TRPM3: variants seen among roughly 807,000 people sequenced by gnomAD.
The protein encoded by TRPM3 is transient receptor potential cation channel subfamily M member 3.
Under a neutral mutation model 181.2 loss-of-function variants are expected in TRPM3, and 77 were observed. The observed-to-expected ratio is 0.42, with a 90% confidence interval of 0.35 to 0.51. The LOEUF (loss-of-function observed/expected upper bound fraction) is 0.51. Among genes scored for constraint, TRPM3 ranks in the 20% least tolerant of loss-of-function variants. The probability of loss-of-function intolerance (pLI) is 0.01; values close to 1 mark genes in which losing one functional copy is unlikely to be tolerated. For missense variants in TRPM3, 1,759 were observed against 2,196.7 expected, an observed-to-expected ratio of 0.80 and a Z score of 3.98; for synonymous variants, 745 against 796.4, an observed-to-expected ratio of 0.94 and a Z score of 1.09.
At chr9:71,170,249 G>A (rs182901837) in intron 1 of TRPM3, among the ~76,000 whole-genome samples, 8 of 152,170 alleles carry the variant, frequency 5.3e-5, no homozygotes, top group Non-Finnish European at 7.4e-5. Flanking sequence ...TAGAGAACAC[G>A]AAGATGAAGG....
At chr9:70,811,378 T>C (rs947070039) in intron 6 of TRPM3, 1 of 705,172 alleles carries the variant, frequency 1.4e-6, no homozygotes, top group East Asian at 2.7e-5. Context: ...GAAACCTATG[T>C]AGAGCATCAT....
At chr9:70,630,508 A>G (rs1274097903) in intron 12 of TRPM3, among the ~76,000 whole-genome samples, 4 of 152,244 alleles carry the variant, frequency 2.6e-5, no homozygotes, top group Admixed American at 6.5e-5. Flanking sequence ...AAAAGCAGAG[A>G]AGGTGAGCAG....
rs184409022 is a variant in TRPM3 at position 70,964,159 on chromosome 9, T to C, written c.178-99648A>G. Among the ~76,000 whole-genome samples, 589 of 152,276 alleles carry C rather than the reference T, an allele frequency of 3.9e-3. 5 individuals are homozygous for C. In the South Asian group the frequency reaches 0.05, roughly 13 times the overall value. On this transcript the variant is annotated intron_variant, in intron 1 of 25. Coordinates refer to ENST00000677713, the MANE Select transcript of TRPM3 (RefSeq NM_001366145.2). ...TTTGTCAGCATTATTTTTATTCTTA[T>C]TATTTATCCCAATTATGATTAAGAT...
chr9:70,580,193 C>T (rs182676043), intron 22 of TRPM3, among the ~76,000 whole-genome samples: 108 of 152,228 alleles, frequency 7.1e-4, no homozygotes, highest in African/African-American at 2.6e-3. Flanking sequence ...ATTATGGTTG[C>T]ATATTTTCTA....
chr9:71,418,872 A>ATGTGTATATATATACACACATATATATG (rs1435707538), intron 1 of TRPM3, among the ~76,000 whole-genome samples: 20 of 141,990 alleles, frequency 1.4e-4, no homozygotes, highest in African/African-American at 4.8e-4. Context: ...ATATGTATAT[A>ATGTGTATATATATACACACATATATATG]TGTGTATATA....
intron 1 of TRPM3, among the ~76,000 whole-genome samples, chr9:70,970,363 A>T (rs545417499): frequency 4.6e-5 from 7 of 152,310 alleles, no homozygotes; most frequent in African/African-American, 1.7e-4. Context: ...TCATTCAAAA[A>T]CAAAAAGCAA....
chr9:71,441,980 C>G (rs565602507), intron 1 of TRPM3, among the ~76,000 whole-genome samples: 2 of 152,252 alleles, frequency 1.3e-5, no homozygotes, highest in South Asian at 4.1e-4. Context: ...GCAGGGAAAA[C>G]TGGAAATTAC....
At chr9:70,888,509 A>G (rs1410418768) in intron 1 of TRPM3, among the ~76,000 whole-genome samples, 1 of 151,968 alleles carries the variant, frequency 6.6e-6, no homozygotes, top group Non-Finnish European at 1.5e-5. Context: ...TTTTTATTAG[A>G]AGGGTTTTAC....
intron 9 of TRPM3, among the ~76,000 whole-genome samples, chr9:70,677,066 T>TGACTCCAGAGGCAGGGCTC (rs1206241077): frequency 6.6e-6 from 1 of 151,396 alleles, no homozygotes; most frequent in Non-Finnish European, 1.5e-5. Context: ...AGGCGGGACT[T>TGACTCCAGAGGCAGGGCTC]GACTCCAGAG....
chr9:71,094,381 G>A (rs1002339906), intron 1 of TRPM3, among the ~76,000 whole-genome samples: 3 of 152,150 alleles, frequency 2.0e-5, no homozygotes, highest in African/African-American at 7.2e-5. Flanking sequence ...CCTTCCTCTT[G>A]TAGAAATTAT....
intron 1 of TRPM3, among the ~76,000 whole-genome samples, chr9:71,413,483 G>A (rs535648433): frequency 3.9e-5 from 6 of 152,086 alleles, no homozygotes; most frequent in East Asian, 3.9e-4. Flanking sequence ...GCAGTTAAGC[G>A]CCCAAAACTA....
At chr9:71,327,054 A>G (rs117522441) in intron 1 of TRPM3, among the ~76,000 whole-genome samples, 2,039 of 152,242 alleles carry the variant, frequency 0.013, 23 homozygotes, top group Middle Eastern at 0.024. Flanking sequence ...CTTACAGAAA[A>G]TCCTCCTCAG....
At chr9:71,337,633 G>T (rs1242697088) in intron 1 of TRPM3, among the ~76,000 whole-genome samples, 1 of 152,158 alleles carries the variant, frequency 6.6e-6, no homozygotes, top group Non-Finnish European at 1.5e-5. Flanking sequence ...ACATGCACAT[G>T]TATGTTTATT....
chr9:71,086,293 C>T (rs2065247539), intron 1 of TRPM3, among the ~76,000 whole-genome samples: 1 of 151,578 alleles, frequency 6.6e-6, no homozygotes, highest in African/African-American at 2.4e-5. Context: ...TCACAAACCT[C>T]AGTATCATGT....
chr9:71,339,316 T>C (rs2090790923), intron 1 of TRPM3, among the ~76,000 whole-genome samples: 1 of 152,124 alleles, frequency 6.6e-6, no homozygotes, highest in Admixed American at 6.6e-5. Flanking sequence ...TTTCTGGAGC[T>C]ACACAAGTTG....
chr9:70,843,532 A>C (rs2094812852), intron 4 of TRPM3, among the ~76,000 whole-genome samples: 1 of 152,212 alleles, frequency 6.6e-6, no homozygotes, highest in African/African-American at 2.4e-5. Flanking sequence ...TTAAATCTAC[A>C]CCACAGTCTG....
Position 70,930,732 on chromosome 9 carries a change from T to A in TRPM3, c.178-66221A>T, listed in dbSNP as rs185204879. 2.6e-5 allele frequency among the ~76,000 whole-genome samples: 4 copies of A among 152,258 alleles called. No individual in the cohort carries two copies. In the East Asian group the frequency reaches 7.7e-4, roughly 29 times the overall value. ...TAAAATTATGATCCAAATTCAATTATCCTCAATATCAAAAGTGATATCCTT... is the reference window on the plus strand; with the variant it reads ...TAAAATTATGATCCAAATTCAATTAACCTCAATATCAAAAGTGATATCCTT... On this transcript the variant is annotated intron_variant, in intron 1 of 25. Transcript: ENST00000677713.
chr9:70,633,996 T>C (rs2066401829), intron 12 of TRPM3, among the ~76,000 whole-genome samples: 1 of 152,204 alleles, frequency 6.6e-6, no homozygotes, highest in Non-Finnish European at 1.5e-5. Flanking sequence ...GAACTCAAGC[T>C]ACCTCTGAAG....
chr9:71,047,269 T>C (rs181681305), intron 1 of TRPM3, among the ~76,000 whole-genome samples: 1 of 152,350 alleles, frequency 6.6e-6, no homozygotes, highest in East Asian at 1.9e-4. Flanking sequence ...TACCATATTC[T>C]AAGTTTGTAG....
Sources: gnomAD v4.1 joint callset for allele counts (sites outside exome capture counted in the v4.1 genomes callset) on GRCh38, gnomAD v4.1.1 for gene constraint, MANE v1.5 for transcripts, NCBI Gene and HGNC (gene_info 2026-07-23, HGNC 2026-07-21) for gene names.